The following KIAA0825 variants were observed in gnomAD, a reference collection of about 807,000 sequenced individuals.
The protein encoded by KIAA0825 is uncharacterized protein KIAA0825.
A neutral mutation model predicts 147.6 loss-of-function variants in KIAA0825; 119 were observed. That is an observed-to-expected ratio of 0.81 (90% CI 0.69 to 0.94). The LOEUF (loss-of-function observed/expected upper bound fraction) is 0.94, where lower values mean the gene tolerates loss of function less well. Ranked by LOEUF, KIAA0825 falls within the 40% of genes least tolerant of loss-of-function variation. The pLI is 0.00. For missense variants in KIAA0825, 1,381 were observed against 1,472.7 expected, an observed-to-expected ratio of 0.94 and a Z score of 1.02; for synonymous variants, 470 against 518.1, an observed-to-expected ratio of 0.91 and a Z score of 1.26.
At chr5:94,594,880 A>AT (rs1317714831) in intron 1 of KIAA0825, 127 of 267,560 alleles carry the variant, frequency 4.7e-4, no homozygotes, top group African/African-American at 2.7e-3. Flanking sequence ...AAAATAGTAG[A>AT]TAAAAAAAAA....
intron 5 of KIAA0825, among the ~76,000 whole-genome samples, chr5:94,513,176 A>T (rs1766748126): frequency 6.6e-6 from 1 of 152,164 alleles, no homozygotes; most frequent in African/African-American, 2.4e-5. Flanking sequence ...TTTGGATCTT[A>T]AAATGTTACT....
chr5:94,255,363 G>A (rs867281235), intron 20 of KIAA0825, among the ~76,000 whole-genome samples: 12 of 151,818 alleles, frequency 7.9e-5, no homozygotes, highest in South Asian at 2.1e-4. Context: ...CAAGCATGAA[G>A]AGGCCTTACA....
chr5:94,263,043 A>G (rs1776575718), intron 20 of KIAA0825, among the ~76,000 whole-genome samples: 1 of 152,186 alleles, frequency 6.6e-6, no homozygotes, highest in Non-Finnish European at 1.5e-5. Context: ...AGCTTGGGAC[A>G]GAAACATTGC....
intron 20 of KIAA0825, among the ~76,000 whole-genome samples, chr5:94,263,663 CTCTT>C (rs1776608286): frequency 6.8e-6 from 1 of 147,782 alleles, no homozygotes; most frequent in South Asian, 2.2e-4. Flanking sequence ...CTCTCTCTCT[CTCTT>C]TTTTTTTGCA....
At chr5:94,514,239 T>A (rs1278313854) in intron 5 of KIAA0825, among the ~76,000 whole-genome samples, 1 of 152,138 alleles carries the variant, frequency 6.6e-6, no homozygotes. Flanking sequence ...TACTTGCATC[T>A]TTAGGAATAA....
intron 20 of KIAA0825, among the ~76,000 whole-genome samples, chr5:94,293,822 T>C (rs1429751565): frequency 6.6e-6 from 1 of 152,214 alleles, no homozygotes; most frequent in Non-Finnish European, 1.5e-5. Context: ...AAATTTAGGA[T>C]AGTTAGTTCT....
At chr5:94,577,541 T>G (rs907145714) in intron 2 of KIAA0825, among the ~76,000 whole-genome samples, 1 of 152,226 alleles carries the variant, frequency 6.6e-6, no homozygotes. Flanking sequence ...TTAAACTCTC[T>G]TTGGCAATTG....
intron 20 of KIAA0825, among the ~76,000 whole-genome samples, chr5:94,168,822 A>T (rs562614122): frequency 6.6e-6 from 1 of 152,206 alleles, no homozygotes; most frequent in East Asian, 1.9e-4. Flanking sequence ...GAAAAGGTGT[A>T]TTTTTTTCCT....
At chr5:94,452,239 T>C (rs551720988) in intron 13 of KIAA0825, among the ~76,000 whole-genome samples, 2 of 152,234 alleles carry the variant, frequency 1.3e-5, no homozygotes, top group African/African-American at 2.4e-5. Flanking sequence ...GTATATGAGG[T>C]TTTCACACCC....
chr5:94,218,014 CA>C (rs1481790464), intron 20 of KIAA0825, among the ~76,000 whole-genome samples: 1 of 151,998 alleles, frequency 6.6e-6, no homozygotes, highest in East Asian at 1.9e-4. Context: ...TGTTTGTTTA[CA>C]AAATCATCAT....
chr5:94,514,833 CT>C (rs1766981532), intron 5 of KIAA0825, among the ~76,000 whole-genome samples: 2 of 152,006 alleles, frequency 1.3e-5, no homozygotes, highest in Non-Finnish European at 2.9e-5. Context: ...CTTGAATGAT[CT>C]TTTCATTCCT....
In KIAA0825 at chr5:94,388,227, C is replaced by A. The variant is rs531263948; in HGVS notation, c.3457-1823G>T. ...CTCCTATGAGAATCTAATGCTGCTGCTGATATGACGATAGGTGGAGCTCAG... is the reference window on the plus strand; with the variant it reads ...CTCCTATGAGAATCTAATGCTGCTGATGATATGACGATAGGTGGAGCTCAG... On this transcript the variant is annotated intron_variant, in intron 18 of 20. Transcript: ENST00000682413. Among the ~76,000 whole-genome samples, 11 of 152,264 alleles carry A rather than the reference C, an allele frequency of 7.2e-5. No individual in the cohort carries two copies. In the South Asian group the frequency reaches 2.1e-3, roughly 29 times the overall value.
intron 20 of KIAA0825, among the ~76,000 whole-genome samples, chr5:94,233,562 C>A (rs144298216): frequency 1.3e-5 from 2 of 152,216 alleles, no homozygotes; most frequent in African/African-American, 4.8e-5. Context: ...CTGTATCTTA[C>A]CTTTCCCCAA....
At position 94,396,267 on chromosome 5, in the gene KIAA0825, T is replaced by C; in HGVS notation, c.3130A>G (p.Ser1044Gly). Reference sequence around the variant, plus strand: ...CAAATTAAACCCAATTTTTCTTTACTCCATCTGTCAAGAGAGGCACCTGTT... The same window carrying C: ...CAAATTAAACCCAATTTTTCTTTACCCCATCTGTCAAGAGAGGCACCTGTT... ...LLTGASLDRWSKEKLGLICMC... is the reference protein window; with the variant it reads ...LLTGASLDRWGKEKLGLICMC... Residue 1044 changes from serine to glycine, a missense_variant, in exon 17 of 21, where the codon AGT becomes GGT. Physicochemically the swap from Ser to Gly is moderately conservative, Grantham distance 56. Coordinates refer to ENST00000682413, the MANE Select transcript of KIAA0825 (RefSeq NM_001145678.3). 1 of 1,551,502 alleles carries C rather than the reference T, an allele frequency of 6.4e-7. No homozygotes were observed. The highest frequency in any genetic ancestry group is 8.7e-7 in the Non-Finnish European group (1 of 1,146,890).
intron 17 of KIAA0825, 150 bp downstream of exon 17, chr5:94,395,951 G>T (rs1750597261): frequency 6.0e-6 from 4 of 667,338 alleles, no homozygotes; most frequent in Admixed American, 7.5e-5. Context: ...TTTTTAATGG[G>T]ATACTTATCT....
At chr5:94,294,965 C>T (rs1778071226) in intron 20 of KIAA0825, among the ~76,000 whole-genome samples, 1 of 152,172 alleles carries the variant, frequency 6.6e-6, no homozygotes, top group East Asian at 1.9e-4. Context: ...GAATGTTGGC[C>T]TCTCTTGCTA....
chr5:94,447,242 G>T (rs999662559), intron 13 of KIAA0825, among the ~76,000 whole-genome samples: 4 of 151,994 alleles, frequency 2.6e-5, no homozygotes, highest in African/African-American at 9.7e-5. Flanking sequence ...TAAAATTAAT[G>T]ATATGGATTT....
chr5:94,465,803 C>T (rs1040856496), intron 10 of KIAA0825, among the ~76,000 whole-genome samples: 10 of 152,110 alleles, frequency 6.6e-5, no homozygotes, highest in Non-Finnish European at 1.3e-4. Flanking sequence ...CCAAATTTTC[C>T]GACTGCAGAG....
chr5:94,284,337 T>C (rs1777579321), intron 20 of KIAA0825, among the ~76,000 whole-genome samples: 1 of 152,116 alleles, frequency 6.6e-6, no homozygotes, highest in Admixed American at 6.6e-5. Flanking sequence ...TCCACAGATA[T>C]CCTTGCCTAT....
Sources: gnomAD v4.1 joint callset for allele counts (sites outside exome capture counted in the v4.1 genomes callset) on GRCh38, gnomAD v4.1.1 for gene constraint, MANE v1.5 for transcripts, NCBI Gene and HGNC (gene_info 2026-07-23, HGNC 2026-07-21) for gene names.